Variants in MUSK observed in about 807,000 individuals in gnomAD.
The protein encoded by MUSK is muscle, skeletal receptor tyrosine-protein kinase.
A neutral mutation model predicts 88.7 loss-of-function variants in MUSK; 55 were observed. That is an observed-to-expected ratio of 0.62 (90% CI 0.50 to 0.78). MUSK has a LOEUF of 0.78. Ranked by LOEUF, MUSK falls within the 30% of genes least tolerant of loss-of-function variation. The probability of loss-of-function intolerance (pLI) is 0.00; values close to 1 mark genes in which losing one functional copy is unlikely to be tolerated. For synonymous variants in MUSK, 387 were observed against 391.9 expected, an observed-to-expected ratio of 0.99 and a Z score of 0.15; for missense variants, 1,015 against 1,074.3, an observed-to-expected ratio of 0.94 and a Z score of 0.77.
chr9:110,772,986 T>G (rs527585387), intron 9 of MUSK, among the ~76,000 whole-genome samples: 26 of 151,952 alleles, frequency 1.7e-4, no homozygotes, highest in Admixed American at 1.2e-3. Flanking sequence ...AGTAATTGTG[T>G]TTTTTTTCCA....
intron 9 of MUSK, among the ~76,000 whole-genome samples, chr9:110,770,233 G>C (rs1292591291): frequency 6.7e-6 from 1 of 148,176 alleles, no homozygotes; most frequent in Non-Finnish European, 1.5e-5. Context: ...ATTACATGTT[G>C]ACATTGGCAA....
At position 110,775,776 on chromosome 9, in the gene MUSK, A is replaced by G. The variant is rs1242808049; in HGVS notation, c.1185-12A>G. 7 of 1,613,054 alleles carry G rather than the reference A, an allele frequency of 4.3e-6. No individual in the cohort carries two copies. The highest frequency in any genetic ancestry group is 5.1e-6 in the Non-Finnish European group (6 of 1,179,232). On this transcript the variant is annotated splice_polypyrimidine_tract_variant and intron_variant, in intron 9 of 14. Transcript: ENST00000374448. Reference sequence around the variant, plus strand: ...TGATTCATCAAGTTTTGTTCTCCATATACTATTTTAGAGAGTACTGCTTGG... The same window carrying G: ...TGATTCATCAAGTTTTGTTCTCCATGTACTATTTTAGAGAGTACTGCTTGG...
rs1471498351 is a variant in MUSK at position 110,715,596 on chromosome 9, TAAAC to T, written c.628+18133_628+18136del. On this transcript the variant is annotated intron_variant, in intron 5 of 14. Transcript: ENST00000374448. ...AAGATATTGACTATAAGGAAAATGA[TAAAC>T]AACTTAATGAAATGGCACTATGAAA... Among the ~76,000 whole-genome samples the T allele has an allele frequency of 2.7e-5, 4 of 148,714 alleles. 1 individual carries two copies. Among genetic ancestry groups the T allele is most frequent in the African/African-American group, 5.2e-5 (2 of 38,726 alleles).
At chr9:110,757,605 TTCCAG>T (rs2077343433) in intron 7 of MUSK, among the ~76,000 whole-genome samples, 1 of 152,162 alleles carries the variant, frequency 6.6e-6, no homozygotes. Flanking sequence ...TCTTTTTCTG[TTCCAG>T]TCATTTTGAA....
At chr9:110,781,300 G>A (rs933029490) in intron 11 of MUSK, among the ~76,000 whole-genome samples, 8 of 150,618 alleles carry the variant, frequency 5.3e-5, no homozygotes, top group Admixed American at 2.6e-4. Context: ...TGTTTGAGAC[G>A]GAGTCTCACT....
chr9:110,713,625 TG>T (rs1210508530), intron 5 of MUSK, among the ~76,000 whole-genome samples: 1 of 152,162 alleles, frequency 6.6e-6, no homozygotes, highest in Non-Finnish European at 1.5e-5. Flanking sequence ...ACCTATGGTT[TG>T]GAGGCATATG....
chr9:110,740,957 C>T (rs530032441), intron 6 of MUSK, among the ~76,000 whole-genome samples: 1 of 152,166 alleles, frequency 6.6e-6, no homozygotes, highest in Admixed American at 6.5e-5. Flanking sequence ...CATAGAAGCA[C>T]AGAATAGAAT....
intron 7 of MUSK, 34 bp from the exon 8 acceptor site, chr9:110,762,168 G>A: frequency 7.1e-7 from 1 of 1,411,758 alleles, no homozygotes; most frequent in Non-Finnish European, 9.3e-7. Context: ...CCTTTAATTT[G>A]ACTTCCTGTG....
intron 12 of MUSK, 95 bp downstream of exon 12, chr9:110,785,111 C>T: frequency 9.4e-7 from 1 of 1,066,722 alleles, no homozygotes; most frequent in Non-Finnish European, 1.4e-6. Context: ...TATGACACTG[C>T]AACTCTCTAA....
intron 1 of MUSK, 58 bp from the exon 2 acceptor site, chr9:110,682,616 G>A: frequency 6.3e-7 from 1 of 1,581,018 alleles, no homozygotes. Flanking sequence ...ACTGCTTAAG[G>A]AAGGGTTAGT....
At chr9:110,787,470 T>C (rs1211849520) in intron 13 of MUSK, among the ~76,000 whole-genome samples, 1 of 152,114 alleles carries the variant, frequency 6.6e-6, no homozygotes, top group Non-Finnish European at 1.5e-5. Context: ...AACTTCATTG[T>C]TTGAAATTGT....
intron 5 of MUSK, among the ~76,000 whole-genome samples, chr9:110,719,951 T>C (rs2076789830): frequency 6.6e-6 from 1 of 151,890 alleles, no homozygotes; most frequent in Non-Finnish European, 1.5e-5. Context: ...CTCAAAACCA[T>C]GAAAATACAT....
chr9:110,801,360 C>A lies in MUSK; in HGVS notation c.*372C>A. ...TAATATGAAATGGGATTCAGAGCTT[C>A]ATTTTTTAATTGAGTTAATTCCTGT... On this transcript the variant is annotated 3_prime_UTR_variant, in exon 15 of 15. Transcript: ENST00000374448. The A allele has an allele frequency of 6.1e-6, 1 of 164,034 alleles. No individual in the cohort carries two copies. The highest frequency in any genetic ancestry group is 1.3e-5 in the Non-Finnish European group (1 of 76,448). The allele number at this position is 164,034 out of a possible 1,614,324, so 10.2% of individuals were successfully genotyped here.
At chr9:110,740,194 T>C (rs1587977274) in intron 6 of MUSK, among the ~76,000 whole-genome samples, 1 of 152,120 alleles carries the variant, frequency 6.6e-6, no homozygotes, top group East Asian at 1.9e-4. Flanking sequence ...GACTTTCTCT[T>C]CTCCAGGATT....
At chr9:110,718,753 A>G (rs1185357583) in intron 5 of MUSK, among the ~76,000 whole-genome samples, 1 of 151,988 alleles carries the variant, frequency 6.6e-6, no homozygotes, top group Non-Finnish European at 1.5e-5. Flanking sequence ...AATTCATTGC[A>G]AAAAAATCAT....
chr9:110,723,234 T>C lies in MUSK; in HGVS notation c.629-11017T>C, dbSNP rs867767079. Among the ~76,000 whole-genome samples the C allele has an allele frequency of 7.4e-4, 108 of 146,770 alleles. 1 individual carries two copies. The highest frequency in any genetic ancestry group is 2.5e-3 in the African/African-American group (98 of 39,746). Reference sequence around the variant, plus strand: ...ACCATGGAATACTACTACATATACATACACACACACACACACACACACACA... The same window carrying C: ...ACCATGGAATACTACTACATATACACACACACACACACACACACACACACA... On this transcript the variant is annotated intron_variant, in intron 5 of 14. Transcript: ENST00000374448.
rs772147210 is a variant in MUSK at position 110,784,809 on chromosome 9, T to C, written c.1385-6T>C. 3 of 1,599,836 alleles carry C rather than the reference T, an allele frequency of 1.9e-6. No individual in the cohort carries two copies. Among genetic ancestry groups the C allele is most frequent in the South Asian group, 2.3e-5 (2 of 87,940 alleles). Reference sequence around the variant, plus strand: ...AATGAATGAAATAATTATTCTTTACTTACAGCATTCCCACCAATGACGTCC... The same window carrying C: ...AATGAATGAAATAATTATTCTTTACCTACAGCATTCCCACCAATGACGTCC... On this transcript the variant is annotated splice_region_variant and splice_polypyrimidine_tract_variant and intron_variant, in intron 11 of 14. Transcript: ENST00000374448.
intron 7 of MUSK, among the ~76,000 whole-genome samples, chr9:110,761,393 T>A (rs1165379504): frequency 6.6e-6 from 1 of 152,112 alleles, no homozygotes; most frequent in East Asian, 1.9e-4. Context: ...GCAGATGCCA[T>A]GCAGCTACCC....
intron 5 of MUSK, among the ~76,000 whole-genome samples, chr9:110,722,770 C>T (rs2076830864): frequency 6.6e-6 from 1 of 151,870 alleles, no homozygotes; most frequent in African/African-American, 2.4e-5. Flanking sequence ...ATACAAATGG[C>T]CAACAAGCAT....
Sources: gnomAD v4.1 joint callset for allele counts (sites outside exome capture counted in the v4.1 genomes callset) on GRCh38, gnomAD v4.1.1 for gene constraint, MANE v1.5 for transcripts, NCBI Gene and HGNC (gene_info 2026-07-23, HGNC 2026-07-21) for gene names.